Variants in DOCK1 observed in about 807,000 individuals in gnomAD.
DOCK1 encodes dedicator of cytokinesis protein 1.
Under a neutral mutation model 262.7 loss-of-function variants are expected in DOCK1, and 138 were observed. The ratio of observed to expected loss-of-function variants is 0.53; its 90% confidence interval spans 0.46 to 0.61. The LOEUF is 0.61. DOCK1 is among the 20% of genes least tolerant of loss of function. DOCK1 has a pLI of 0.00. For missense variants in DOCK1, 1,908 were observed against 2,370.7 expected (o/e 0.80, Z 4.05); for synonymous variants, 866 against 867.4 (o/e 1.00, Z 0.03).
intron 1 of DOCK1, among the ~76,000 whole-genome samples, chr10:126,927,585 C>T (rs2033847615): frequency 1.3e-5 from 2 of 152,064 alleles, no homozygotes; most frequent in South Asian, 2.1e-4. Flanking sequence ...AACAGGTGCC[C>T]ATCACCATGC....
At chr10:127,339,137 TGCTGGTCCGA>T (rs2063318497) in intron 30 of DOCK1, 53 bp downstream of exon 30, 2 of 1,451,728 alleles carry the variant, frequency 1.4e-6, no homozygotes, top group East Asian at 4.9e-5. Flanking sequence ...TAAAACAAAT[TGCTGGTCCGA>T]GCCAGTATCT....
chr10:126,975,867 C>T (rs759656275), intron 2 of DOCK1, among the ~76,000 whole-genome samples: 1 of 152,048 alleles, frequency 6.6e-6, no homozygotes, highest in Non-Finnish European at 1.5e-5. Flanking sequence ...TATCTGCCCT[C>T]TTCGGCTGCC....
chr10:127,283,175 A>G (rs940081121), intron 29 of DOCK1, among the ~76,000 whole-genome samples: 2 of 152,256 alleles, frequency 1.3e-5, no homozygotes, highest in Non-Finnish European at 2.9e-5. Flanking sequence ...GCCTTGAATA[A>G]TGAACCATCA....
chr10:127,140,638 A>AAGTCTCTGGGCTGAGTTTGACACACCG (rs2051144524), intron 27 of DOCK1, among the ~76,000 whole-genome samples: 2 of 147,056 alleles, frequency 1.4e-5, no homozygotes, highest in South Asian at 4.6e-4. Flanking sequence ...TTGACACACC[A>AAGTCTCTGGGCTGAGTTTGACACACCG]AGTCTCTGGG....
intron 29 of DOCK1, among the ~76,000 whole-genome samples, chr10:127,292,937 G>A (rs1225002702): frequency 2.0e-5 from 3 of 152,116 alleles, no homozygotes; most frequent in East Asian, 1.9e-4. Flanking sequence ...AAAAACAGGG[G>A]TGGGAAGTCC....
chr10:127,334,595 A>G (rs1455016105), intron 29 of DOCK1, among the ~76,000 whole-genome samples: 1 of 152,114 alleles, frequency 6.6e-6, no homozygotes, highest in Non-Finnish European at 1.5e-5. Context: ...AGGCTTCTAG[A>G]CCTTACGGCT....
chr10:127,445,193 T>C (rs2070453799), intron 50 of DOCK1, among the ~76,000 whole-genome samples: 1 of 151,900 alleles, frequency 6.6e-6, no homozygotes, highest in African/African-American at 2.4e-5. Flanking sequence ...AGAGGAGAAA[T>C]CTTGGCAGGG....
In DOCK1 at chr10:127,195,130, G is replaced by A. The variant is rs984605746; in HGVS notation, c.2848-52878G>A. Among the ~76,000 whole-genome samples the A allele has an allele frequency of 4.6e-5, 7 of 152,336 alleles. No individual in the cohort carries two copies. In the South Asian group the frequency reaches 1.2e-3, roughly 27 times the overall value. On this transcript the variant is annotated intron_variant, in intron 27 of 51. Coordinates refer to ENST00000623213, the MANE Select transcript of DOCK1 (RefSeq NM_001290223.2). ...TATTTTTGGGTAGTAGAATGCTGAG[G>A]TCACAGGGAGCGGCTCTTTATCCAA... is the stretch of plus-strand genomic sequence containing the variant.
At chr10:127,280,674 C>A (rs149522461) in intron 29 of DOCK1, among the ~76,000 whole-genome samples, 5 of 152,324 alleles carry the variant, frequency 3.3e-5, no homozygotes, top group Admixed American at 3.3e-4. Context: ...AGGCAAGCTA[C>A]GTGCAGGTAA....
rs565724067 is a variant in DOCK1, at chr10:127,262,907, G to T, written c.3044+5478G>T. Among the ~76,000 whole-genome samples the T allele has an allele frequency of 3.3e-5, 5 of 152,240 alleles. No individual in the cohort carries two copies. In the East Asian group the frequency reaches 9.7e-4, roughly 30 times the overall value. On this transcript the variant is annotated intron_variant, in intron 29 of 51. Coordinates refer to ENST00000623213, the MANE Select transcript of DOCK1 (RefSeq NM_001290223.2). ...TTTACACATGGGAAAATTGAGGCAT[G>T]GAGGTTGGGTCACGTGCCAAAAGAC...
chr10:127,083,225 C>T (rs908128973), intron 23 of DOCK1, among the ~76,000 whole-genome samples: 16 of 152,194 alleles, frequency 1.1e-4, no homozygotes, highest in Non-Finnish European at 1.5e-4. Flanking sequence ...ACTTTCTGGA[C>T]AAATGAATAA....
In DOCK1 at chr10:127,402,948, T is replaced by C. The variant is rs932009057; in HGVS notation, c.3928-107T>C. The C allele has an allele frequency of 2.9e-5, 30 of 1,040,692 alleles. 1 individual carries two copies. Among genetic ancestry groups the C allele is most frequent in the Non-Finnish European group, 4.1e-5 (29 of 710,098 alleles). The allele number at this position is 1,040,692 out of a possible 1,614,324, so 64.5% of individuals were successfully genotyped here. On this transcript the variant is annotated intron_variant, in intron 38 of 51. Transcript: ENST00000623213. ...CGGTGTTATTCCCATAATGTTTCATTCAAATGTACTTCTACACTGTTTTAT... is the reference window on the plus strand; with the variant it reads ...CGGTGTTATTCCCATAATGTTTCATCCAAATGTACTTCTACACTGTTTTAT...
intron 1 of DOCK1, 51 bp from the exon 2 acceptor site, chr10:126,970,651 G>T: frequency 6.9e-7 from 1 of 1,441,490 alleles, no homozygotes; most frequent in Non-Finnish European, 9.7e-7. Flanking sequence ...ACTCAGCATG[G>T]TCACTTCTAT....
intron 4 of DOCK1, among the ~76,000 whole-genome samples, chr10:126,986,781 G>A (rs1370101774): frequency 3.3e-5 from 5 of 152,136 alleles, no homozygotes; most frequent in Non-Finnish European, 1.5e-5. Flanking sequence ...ATGGTGGTGG[G>A]CACCTGTAGT....
intron 27 of DOCK1, among the ~76,000 whole-genome samples, chr10:127,169,797 G>A (rs1459120480): frequency 6.6e-6 from 1 of 152,154 alleles, no homozygotes; most frequent in East Asian, 1.9e-4. Flanking sequence ...TACCTCTTAA[G>A]TATGTGTATG....
At chr10:127,111,114 C>T (rs2048838182) in intron 25 of DOCK1, among the ~76,000 whole-genome samples, 1 of 152,150 alleles carries the variant, frequency 6.6e-6, no homozygotes, top group South Asian at 2.1e-4. Flanking sequence ...TTCTCAGTTC[C>T]CCTGTGCTTT....
Position 126,905,465 on chromosome 10 carries a change from G to T in DOCK1, c.-53G>T, listed in dbSNP as rs1471382853. 1.4e-5 allele frequency: 7 copies of T among 505,448 alleles called. No individual in the cohort carries two copies. The highest frequency in any genetic ancestry group is 2.3e-5 in the South Asian group (1 of 43,382). 31.3% of individuals were successfully genotyped at this position (505,448 alleles called of 1,614,324 possible). On this transcript the variant is annotated 5_prime_UTR_variant, in exon 1 of 52. It removes an upstream start codon present in the reference 5' UTR. Coordinates refer to ENST00000623213, the MANE Select transcript of DOCK1 (RefSeq NM_001290223.2). The stretch of plus-strand genomic sequence containing the variant: ...TCGCGGCTCGAAAGGAATGGAAAAT[G>T]GCGGCCTAGACGCGGAGTTTCCTGC...
At chr10:127,285,428 C>T (rs1422330216) in intron 29 of DOCK1, among the ~76,000 whole-genome samples, 1 of 152,186 alleles carries the variant, frequency 6.6e-6, no homozygotes, top group Non-Finnish European at 1.5e-5. Flanking sequence ...GTAAATGGCT[C>T]ATCCTCCATA....
chr10:127,045,697 A>C (rs2044302483), intron 21 of DOCK1, among the ~76,000 whole-genome samples: 1 of 152,202 alleles, frequency 6.6e-6, no homozygotes, highest in African/African-American at 2.4e-5. Context: ...TGGGTAGTTC[A>C]TGGATGCTGG....
Sources: allele counts gnomAD v4.1 joint callset (sites outside exome capture counted in the v4.1 genomes callset), GRCh38; gene constraint gnomAD v4.1.1; transcripts MANE v1.5; gene names NCBI Gene and HGNC (gene_info 2026-07-23, HGNC 2026-07-21).